The following SYNPR variants were observed in gnomAD, a reference collection of about 807,000 sequenced individuals.
SYNPR encodes the protein synaptoporin.
A neutral mutation model predicts 32.9 loss-of-function variants in SYNPR; 23 were observed. That is an observed-to-expected ratio of 0.70 (90% CI 0.50 to 0.99). The LOEUF is 0.99. SYNPR is among the 50% of genes least tolerant of loss of function. SYNPR has a pLI of 0.00. For missense variants in SYNPR, 318 were observed against 349.3 expected (o/e 0.91, Z 0.71); for synonymous variants, 146 against 135.9 (o/e 1.07, Z -0.52).
chr3:63,296,696 T>C (rs2086794325), intron 2 of SYNPR, among the ~76,000 whole-genome samples: 1 of 152,190 alleles, frequency 6.6e-6, no homozygotes, highest in Non-Finnish European at 1.5e-5. Context: ...TCAGGTACCA[T>C]GTAATGTACT....
chr3:63,258,065 A>G (rs2086403403), intron 2 of SYNPR, among the ~76,000 whole-genome samples: 1 of 152,212 alleles, frequency 6.6e-6, no homozygotes, highest in African/African-American at 2.4e-5. Flanking sequence ...ACCCAGATCC[A>G]TAAAGCAAGT....
intron 2 of SYNPR, among the ~76,000 whole-genome samples, chr3:63,289,039 C>A (rs919745998): frequency 6.6e-6 from 1 of 152,126 alleles, no homozygotes; most frequent in Non-Finnish European, 1.5e-5. Flanking sequence ...AGAGTCATGT[C>A]TTTTGGTGTT....
rs73834612 is a variant in SYNPR, at chr3:63,565,421, C to T, written c.408+8680C>T. Among the ~76,000 whole-genome samples the T allele has an allele frequency of 1.6e-3, 250 of 152,230 alleles. 1 individual carries two copies. Among genetic ancestry groups the T allele is most frequent in the African/African-American group, 5.6e-3 (231 of 41,536 alleles). On this transcript the variant is annotated intron_variant, in intron 4 of 5. Coordinates refer to ENST00000478300, the MANE Select transcript of SYNPR (RefSeq NM_001130003.2). ...GCTGCCCTCTGCCTCCAAGATGGTG[C>T]GTTGTTGCAGCATCGTCTGGAAGGA...
intron 2 of SYNPR, among the ~76,000 whole-genome samples, chr3:63,279,609 G>A (rs1272872885): frequency 6.6e-6 from 1 of 152,184 alleles, no homozygotes; most frequent in Admixed American, 6.5e-5. Context: ...GTTTCGTCTT[G>A]CTAGGAACTC....
rs142527175 is a variant in SYNPR, at chr3:63,517,147, C to T, written c.209+36191C>T. Among the ~76,000 whole-genome samples, 225 of 152,100 alleles carry T rather than the reference C, an allele frequency of 1.5e-3. 2 individuals carry two copies. The highest frequency in any genetic ancestry group is 5.1e-3 in the African/African-American group (210 of 41,512). Reference sequence around the variant, plus strand: ...GATGTTTTGTAAACCAAACAGTGGACGGAAGCACTTAAAATCACAAACTGA... The same window carrying T: ...GATGTTTTGTAAACCAAACAGTGGATGGAAGCACTTAAAATCACAAACTGA... On this transcript the variant is annotated intron_variant, in intron 3 of 5. Coordinates refer to ENST00000478300, the MANE Select transcript of SYNPR (RefSeq NM_001130003.2).
At chr3:63,223,319 T>C (rs369511083), upstream of SYNPR, among the ~76,000 whole-genome samples, 1 of 94,552 alleles carries the variant, frequency 1.1e-5, no homozygotes. Flanking sequence ...ATCTCCAGTA[T>C]AGAAATCCTA....
At chr3:63,472,427 T>A (rs1397356043) in intron 2 of SYNPR, among the ~76,000 whole-genome samples, 1 of 152,216 alleles carries the variant, frequency 6.6e-6, no homozygotes, top group African/African-American at 2.4e-5. Flanking sequence ...AATGTAATGA[T>A]GGACTTACTG....
chr3:63,540,129 T>A (rs1318910048), intron 3 of SYNPR, among the ~76,000 whole-genome samples: 1 of 152,192 alleles, frequency 6.6e-6, no homozygotes, highest in Admixed American at 6.6e-5. Context: ...ACACTTATTA[T>A]GTGCCAGGCA....
chr3:63,444,119 G>A lies in SYNPR; in HGVS notation c.85-36713G>A, dbSNP rs145161510. Among the ~76,000 whole-genome samples, 566 of 152,288 alleles carry A rather than the reference G, an allele frequency of 3.7e-3. 3 individuals carry two copies. The highest frequency in any genetic ancestry group is 0.012 in the African/African-American group (505 of 41,552). The stretch of plus-strand genomic sequence containing the variant: ...TCTCTTTCGTCTTTCTTTGCACTGT[G>A]TATTTCTGCCACCATCTGTCAGATG... On this transcript the variant is annotated intron_variant, in intron 2 of 5. Coordinates refer to ENST00000478300, the MANE Select transcript of SYNPR (RefSeq NM_001130003.2).
intron 2 of SYNPR, among the ~76,000 whole-genome samples, chr3:63,430,361 TACACACACAC>T (rs3083163): frequency 0.022 from 3,219 of 148,352 alleles, 74 homozygotes; most frequent in South Asian, 0.12. Context: ...ACACTGAGAA[TACACACACAC>T]ACACACACAC....
chr3:63,453,760 G>A (rs548568348), intron 2 of SYNPR, among the ~76,000 whole-genome samples: 30 of 152,132 alleles, frequency 2.0e-4, no homozygotes, highest in African/African-American at 6.3e-4. Context: ...CCGTTTTCTC[G>A]TCTGTTAAAA....
chr3:63,280,884 T>C (rs2106918199), intron 2 of SYNPR, among the ~76,000 whole-genome samples: 1 of 152,360 alleles, frequency 6.6e-6, no homozygotes, highest in African/African-American at 2.4e-5. Flanking sequence ...TTTTTGCTTG[T>C]ACCTCAGTAA....
chr3:63,442,164 A>AGT lies in SYNPR; in HGVS notation c.85-38646_85-38645dup, dbSNP rs34163380. On this transcript the variant is annotated intron_variant, in intron 2 of 5. Coordinates refer to ENST00000478300, the MANE Select transcript of SYNPR (RefSeq NM_001130003.2). ...GTGGTGGCTATGATATGGTAGTGAT[A>AGT]GTGTGTGTGTGTGTGTGTGTGTGCA... 4.1e-3 allele frequency among the ~76,000 whole-genome samples: 602 copies of AGT among 148,364 alleles called. 8 individuals carry two copies. The highest frequency in any genetic ancestry group is 0.025 in the South Asian group (116 of 4,600).
At chr3:63,264,403 A>AAAG (rs1553861958) in intron 2 of SYNPR, among the ~76,000 whole-genome samples, 2 of 152,062 alleles carry the variant, frequency 1.3e-5, no homozygotes, top group Non-Finnish European at 2.9e-5. Context: ...TTTGAAAAAA[A>AAAG]TCATTTCAAA....
At chr3:63,572,047 C>G (rs1156350127) in intron 4 of SYNPR, among the ~76,000 whole-genome samples, 1 of 152,172 alleles carries the variant, frequency 6.6e-6, no homozygotes, top group Non-Finnish European at 1.5e-5. Context: ...GTGTACATGG[C>G]TCTTTAACTA....
chr3:63,474,445 A>T (rs1178312851), intron 2 of SYNPR, among the ~76,000 whole-genome samples: 1 of 152,220 alleles, frequency 6.6e-6, no homozygotes, highest in Non-Finnish European at 1.5e-5. Flanking sequence ...AATTGAGTGG[A>T]TGAATGAGTG....
chr3:63,280,104 T>C (rs1464070870), intron 2 of SYNPR, among the ~76,000 whole-genome samples: 12 of 152,196 alleles, frequency 7.9e-5, no homozygotes, highest in African/African-American at 2.9e-4. Context: ...CAAGCTATTA[T>C]CTCTCAAAAC....
chr3:63,513,153 C>T (rs1701730474), intron 3 of SYNPR, among the ~76,000 whole-genome samples: 1 of 132,666 alleles, frequency 7.5e-6, no homozygotes, highest in African/African-American at 2.7e-5. Context: ...CATATCCCCC[C>T]CTCCCCCCCA....
chr3:63,386,600 T>TTTCCTTCCTTCC lies in SYNPR; in HGVS notation c.85-94230_85-94229insCCTTCCTTCCTT, dbSNP rs796874443. ...AGAGTAAGAGCAGAGTTGGATTATATTTACTTCCTTCCTTCCTTCCTTCCT... is the reference window on the plus strand; with the variant it reads ...AGAGTAAGAGCAGAGTTGGATTATATTTCCTTCCTTCCTTACTTCCTTCCTTCCTTCCTTCCT... On this transcript the variant is annotated intron_variant, in intron 2 of 5. Transcript: ENST00000478300. Among the ~76,000 whole-genome samples the TTTCCTTCCTTCC allele has an allele frequency of 5.4e-5, 5 of 92,320 alleles. No individual in the cohort carries two copies. In the East Asian group the frequency reaches 9.8e-4, roughly 18 times the overall value. The allele number at this position is 92,320 out of a possible 152,430, so 60.6% of individuals were successfully genotyped here.
Sources: allele counts gnomAD v4.1 joint callset (sites outside exome capture counted in the v4.1 genomes callset), GRCh38; gene constraint gnomAD v4.1.1; transcripts MANE v1.5; gene names NCBI Gene and HGNC (gene_info 2026-07-23, HGNC 2026-07-21).